The following HSD17B7 variants were observed in gnomAD, a reference collection of about 807,000 sequenced individuals.
HSD17B7 encodes the protein 3-keto-steroid reductase/17-beta-hydroxysteroid dehydrogenase 7.
A neutral mutation model predicts 34.1 loss-of-function variants in HSD17B7; 17 were observed. That is an observed-to-expected ratio of 0.50 (90% CI 0.34 to 0.75). HSD17B7 has a LOEUF of 0.75. Among genes scored for constraint, HSD17B7 ranks in the 30% least tolerant of loss-of-function variants. The pLI is 0.01. For missense variants in HSD17B7, 296 were observed against 406.6 expected (o/e 0.73, Z 2.34); for synonymous variants, 122 against 154.6 (o/e 0.79, Z 1.56).
chr1:162,811,869 T>A (rs1649181426), intron 8 of HSD17B7, among the ~76,000 whole-genome samples: 1 of 152,256 alleles, frequency 6.6e-6, no homozygotes, highest in South Asian at 2.1e-4. Flanking sequence ...GAGGCTGAAG[T>A]ATCGTCTTAT....
intron 8 of HSD17B7, among the ~76,000 whole-genome samples, chr1:162,807,609 A>G (rs1174509361): frequency 6.6e-6 from 1 of 151,976 alleles, no homozygotes. Context: ...AAGTGTTCCT[A>G]TTTCTCCACA....
In HSD17B7 at chr1:162,809,147, A is replaced by G. The variant is rs538897210; in HGVS notation, c.904-3151A>G. On this transcript the variant is annotated intron_variant, in intron 8 of 8. Coordinates refer to ENST00000254521, the MANE Select transcript of HSD17B7 (RefSeq NM_016371.4). ...TATTATTTTGAGATATGTCCGATCAATACCTAATTTATTGAGAGTTTTTAG... is the reference window on the plus strand; with the variant it reads ...TATTATTTTGAGATATGTCCGATCAGTACCTAATTTATTGAGAGTTTTTAG... 9.8e-5 allele frequency among the ~76,000 whole-genome samples: 15 copies of G among 152,336 alleles called. No homozygotes were observed. In the East Asian group the frequency reaches 2.7e-3, roughly 27 times the overall value.
intron 8 of HSD17B7, among the ~76,000 whole-genome samples, chr1:162,806,853 A>G (rs1379052675): frequency 1.3e-5 from 2 of 152,234 alleles, no homozygotes; most frequent in Non-Finnish European, 2.9e-5. Context: ...AATTTGGGGA[A>G]GTCAGCTTTC....
chr1:162,804,727 C>G (rs1444453592), intron 7 of HSD17B7, among the ~76,000 whole-genome samples: 1 of 152,202 alleles, frequency 6.6e-6, no homozygotes, highest in Non-Finnish European at 1.5e-5. Context: ...CACCATTCCC[C>G]TCTATGAAGA....
At chr1:162,802,937 C>T (rs1443246237) in intron 5 of HSD17B7, 1 of 152,678 alleles carries the variant, frequency 6.5e-6, no homozygotes. Flanking sequence ...GGAGCACCCC[C>T]CTCAAGCTAG....
chr1:162,794,110 T>C (rs1444892660), intron 2 of HSD17B7, among the ~76,000 whole-genome samples: 1 of 152,150 alleles, frequency 6.6e-6, no homozygotes, highest in Non-Finnish European at 1.5e-5. Context: ...GAATTTATGA[T>C]GAAAAAAGTC....
intron 7 of HSD17B7, among the ~76,000 whole-genome samples, 180 bp downstream of exon 7, chr1:162,804,503 A>C (rs1313296596): frequency 6.6e-6 from 1 of 152,190 alleles, no homozygotes; most frequent in Admixed American, 6.5e-5. Context: ...TTAGGAGTGA[A>C]GTTTGCAAGT....
At chr1:162,795,849 TC>T (rs1447270328) in intron 2 of HSD17B7, among the ~76,000 whole-genome samples, 1 of 29,472 alleles carries the variant, frequency 3.4e-5, no homozygotes, top group East Asian at 1.0e-3. Context: ...CCTATGTAAG[TC>T]TTAGATGAAG....
rs1649201134 is a variant in HSD17B7 at position 162,812,578 on chromosome 1, T to A, written c.*158T>A. The stretch of plus-strand genomic sequence containing the variant: ...ATGTAGTCCCAGCTACTCAGAAGGA[T>A]GAGGTGGGAGGATCTCTTGAGGCTG... On this transcript the variant is annotated 3_prime_UTR_variant, in exon 9 of 9. Coordinates refer to ENST00000254521, the MANE Select transcript of HSD17B7 (RefSeq NM_016371.4). 1 of 692,274 alleles carries A rather than the reference T, an allele frequency of 1.4e-6. No homozygotes were observed. 42.9% of individuals were successfully genotyped at this position (692,274 alleles called of 1,614,324 possible). A position where few individuals can be genotyped will look rare whatever the true frequency, so the allele number is the denominator to read the frequency against.
At chr1:162,804,431 C>T in intron 7 of HSD17B7, 108 bp downstream of exon 7, 1 of 737,478 alleles carries the variant, frequency 1.4e-6, no homozygotes. Context: ...AGAGAATAAG[C>T]TCTGTGAATA....
At chr1:162,791,753 CAT>C (rs1217037188) in intron 1 of HSD17B7, among the ~76,000 whole-genome samples, 6 of 151,812 alleles carry the variant, frequency 4.0e-5, no homozygotes, top group Non-Finnish European at 7.4e-5. Context: ...TATATTGTGA[CAT>C]GTGCAATTGT....
intron 6 of HSD17B7, 32 bp from the exon 7 acceptor site, chr1:162,804,235 C>T: frequency 1.3e-6 from 2 of 1,573,968 alleles, no homozygotes; most frequent in South Asian, 2.3e-5. Context: ...TTCTAAACCA[C>T]CAAAAAATAA....
intron 1 of HSD17B7, 100 bp downstream of exon 1, chr1:162,790,935 C>G (rs1006132682): frequency 4.9e-6 from 4 of 811,770 alleles, no homozygotes; most frequent in Non-Finnish European, 8.3e-6. Flanking sequence ...AGCGCCCGCC[C>G]CTGGCTTTGC....
At chr1:162,809,548 C>T (rs995817129) in intron 8 of HSD17B7, among the ~76,000 whole-genome samples, 2 of 146,656 alleles carry the variant, frequency 1.4e-5, no homozygotes, top group Non-Finnish European at 3.0e-5. Flanking sequence ...GGAATGGTAC[C>T]ATCTCCTTGT....
At chr1:162,805,367 A>G in intron 7 of HSD17B7, 27 bp from the exon 8 acceptor site, 1 of 1,610,240 alleles carries the variant, frequency 6.2e-7, no homozygotes, top group African/African-American at 1.3e-5. Context: ...AGAAGAAACA[A>G]ATCATTGACA....
At chr1:162,805,730 A>G (rs1455466272) in intron 8 of HSD17B7, among the ~76,000 whole-genome samples, 2 of 152,140 alleles carry the variant, frequency 1.3e-5, no homozygotes, top group African/African-American at 4.8e-5. Context: ...CCTTCAGATC[A>G]GTTTATCCCA....
chr1:162,799,237 A>G (rs1227505705), intron 4 of HSD17B7, among the ~76,000 whole-genome samples: 1 of 151,938 alleles, frequency 6.6e-6, no homozygotes, highest in East Asian at 1.9e-4. Flanking sequence ...TTCCTGCTCA[A>G]ATTTTTTCAG....
intron 1 of HSD17B7, 86 bp downstream of exon 1, chr1:162,790,921 C>G (rs1177441461): frequency 1.1e-6 from 1 of 926,032 alleles, no homozygotes; most frequent in East Asian, 2.6e-5. Context: ...GAACGGACCC[C>G]GGAAGCGCCC....
intron 1 of HSD17B7, among the ~76,000 whole-genome samples, chr1:162,791,776 C>A (rs1424818146): frequency 6.6e-6 from 1 of 151,818 alleles, no homozygotes; most frequent in East Asian, 2.0e-4. Flanking sequence ...ATATTAAATG[C>A]CTACTGTTCT....
Sources: allele counts gnomAD v4.1 joint callset (sites outside exome capture counted in the v4.1 genomes callset), GRCh38; gene constraint gnomAD v4.1.1; transcripts MANE v1.5; gene names NCBI Gene and HGNC (gene_info 2026-07-23, HGNC 2026-07-21).